The following DLG2 variants were observed in gnomAD, a reference collection of about 807,000 sequenced individuals.
DLG2 encodes the protein disks large homolog 2.
DLG2 carries 45 observed loss-of-function variants against 132.5 expected under a neutral mutation model. The observed-to-expected ratio is 0.34, with a 90% CI of 0.27 to 0.44. The LOEUF (loss-of-function observed/expected upper bound fraction) is 0.44, where lower values mean the gene tolerates loss of function less well. Among genes scored for constraint, DLG2 ranks in the 20% least tolerant of loss-of-function variants. DLG2 has a pLI of 1.00. For missense variants in DLG2, 1,045 were observed against 1,196.9 expected, an observed-to-expected ratio of 0.87 and a Z score of 1.87; for synonymous variants, 424 against 419.6, an observed-to-expected ratio of 1.01 and a Z score of -0.13.
intron 3 of DLG2, among the ~76,000 whole-genome samples, chr11:85,407,731 A>G (rs2088896473): frequency 6.6e-6 from 1 of 151,830 alleles, no homozygotes; most frequent in African/African-American, 2.4e-5. Context: ...AGAGACTACA[A>G]CACAGAATTG....
intron 10 of DLG2, among the ~76,000 whole-genome samples, chr11:84,062,908 T>C (rs2096614265): frequency 1.3e-5 from 2 of 152,134 alleles, no homozygotes; most frequent in Non-Finnish European, 2.9e-5. Context: ...ATTAATTTGC[T>C]CTCTTTACCA....
At chr11:85,013,075 C>T (rs375021474) in intron 6 of DLG2, among the ~76,000 whole-genome samples, 3 of 152,088 alleles carry the variant, frequency 2.0e-5, no homozygotes, top group Non-Finnish European at 2.9e-5. Context: ...TATTTAATAT[C>T]AAATTGAATT....
intron 6 of DLG2, among the ~76,000 whole-genome samples, chr11:84,972,184 G>A (rs969092188): frequency 4.6e-5 from 7 of 152,036 alleles, no homozygotes; most frequent in Admixed American, 3.9e-4. Flanking sequence ...GAACCCTTAT[G>A]TTATTAAGTG....
chr11:85,559,636 T>C (rs1162171441), intron 3 of DLG2, among the ~76,000 whole-genome samples: 2 of 151,552 alleles, frequency 1.3e-5, no homozygotes. Flanking sequence ...AAAAAGTAAG[T>C]TTGATATAAT....
intron 7 of DLG2, among the ~76,000 whole-genome samples, chr11:84,470,875 T>C (rs753111146): frequency 9.2e-5 from 14 of 151,786 alleles, no homozygotes; most frequent in Non-Finnish European, 1.5e-4. Context: ...AACAGACAAT[T>C]AGACAAACAA....
chr11:84,865,086 C>A (rs896164875), intron 6 of DLG2, among the ~76,000 whole-genome samples: 1 of 152,126 alleles, frequency 6.6e-6, no homozygotes, highest in Non-Finnish European at 1.5e-5. Context: ...GGATTCTATT[C>A]ATAACAAATA....
intron 6 of DLG2, among the ~76,000 whole-genome samples, chr11:84,694,216 C>T (rs1196243977): frequency 6.6e-6 from 1 of 151,476 alleles, no homozygotes; most frequent in Non-Finnish European, 1.5e-5. Context: ...GCCATTGTGT[C>T]TTCTCATCAA....
chr11:85,152,598 A>G (rs919326737), intron 5 of DLG2, among the ~76,000 whole-genome samples: 2 of 152,218 alleles, frequency 1.3e-5, no homozygotes, highest in Admixed American at 1.3e-4. Flanking sequence ...CAAATTATTA[A>G]TATCTAATCA....
At chr11:84,869,730 G>A (rs2085173858) in intron 6 of DLG2, among the ~76,000 whole-genome samples, 1 of 152,120 alleles carries the variant, frequency 6.6e-6, no homozygotes, top group South Asian at 2.1e-4. Flanking sequence ...TGAGGAAAGG[G>A]GCTGTCTCTT....
chr11:84,700,813 G>T (rs2059144534), intron 6 of DLG2, among the ~76,000 whole-genome samples: 2 of 151,540 alleles, frequency 1.3e-5, no homozygotes, highest in African/African-American at 4.8e-5. Context: ...ACATGGAAAA[G>T]CAAAGACATC....
intron 4 of DLG2, among the ~76,000 whole-genome samples, chr11:85,211,271 G>T (rs1224778482): frequency 6.6e-6 from 1 of 151,904 alleles, no homozygotes; most frequent in Non-Finnish European, 1.5e-5. Context: ...GTAGATCAAG[G>T]GTCTAGTGGA....
At chr11:84,332,180 T>C (rs904491527) in intron 7 of DLG2, among the ~76,000 whole-genome samples, 4 of 151,960 alleles carry the variant, frequency 2.6e-5, no homozygotes, top group Non-Finnish European at 5.9e-5. Flanking sequence ...CAACTTCCAA[T>C]TGAAGACAAC....
At chr11:84,326,630 G>T (rs1168846751) in intron 7 of DLG2, among the ~76,000 whole-genome samples, 1 of 152,066 alleles carries the variant, frequency 6.6e-6, no homozygotes, top group African/African-American at 2.4e-5. Flanking sequence ...GAGTTGTTTT[G>T]AGACCTAATA....
intron 3 of DLG2, among the ~76,000 whole-genome samples, chr11:85,428,546 G>A (rs1192744124): frequency 6.6e-6 from 1 of 152,174 alleles, no homozygotes; most frequent in Non-Finnish European, 1.5e-5. Flanking sequence ...ATAATGAAAT[G>A]AAGGCAGAAA....
chr11:84,714,595 T>TTCTCTCTC (rs1351118874), intron 6 of DLG2, among the ~76,000 whole-genome samples: 1 of 103,894 alleles, frequency 9.6e-6, no homozygotes, highest in African/African-American at 4.1e-5. Flanking sequence ...CTCTTTCTCT[T>TTCTCTCTC]TCTTTCTCTT....
intron 16 of DLG2, among the ~76,000 whole-genome samples, chr11:83,846,039 A>G (rs902804211): frequency 1.3e-5 from 2 of 152,256 alleles, no homozygotes; most frequent in Non-Finnish European, 2.9e-5. Flanking sequence ...GCAAAGCCAC[A>G]TATGTTAAGT....
rs566476601 is a variant in DLG2, at chr11:85,517,027, A to G, written c.40+81630T>C. The stretch of plus-strand genomic sequence containing the variant: ...ATGAAAATAGATATAAAAACCCTCA[A>G]AAAATATGAGAAAACCAAATCCAAC... On this transcript the variant is annotated intron_variant, in intron 3 of 27. Coordinates refer to ENST00000376104, the MANE Select transcript of DLG2 (RefSeq NM_001142699.3). 1.6e-4 allele frequency among the ~76,000 whole-genome samples: 25 copies of G among 152,216 alleles called. 1 individual carries two copies. The South Asian group carries it at 5.2e-3, about 32-fold the overall frequency.
At chr11:84,369,373 T>C (rs1388250976) in intron 7 of DLG2, among the ~76,000 whole-genome samples, 1 of 152,128 alleles carries the variant, frequency 6.6e-6, no homozygotes, top group Non-Finnish European at 1.5e-5. Context: ...TCAACAAGAA[T>C]GGGAAGAAAA....
chr11:84,420,341 C>G (rs969174548), intron 7 of DLG2, among the ~76,000 whole-genome samples: 1 of 152,142 alleles, frequency 6.6e-6, no homozygotes, highest in Non-Finnish European at 1.5e-5. Flanking sequence ...CCCTTTCTTC[C>G]CCCACTCTGA....
Sources: gnomAD v4.1 joint callset for allele counts (sites outside exome capture counted in the v4.1 genomes callset) on GRCh38, gnomAD v4.1.1 for gene constraint, MANE v1.5 for transcripts, NCBI Gene and HGNC (gene_info 2026-07-23, HGNC 2026-07-21) for gene names.